The following HAX1 variants were observed in gnomAD, a reference collection of about 807,000 sequenced individuals.
HAX1 encodes the protein HCLS1-associated protein X-1.
HAX1 carries 27 observed loss-of-function variants against 31.1 expected under a neutral mutation model. The ratio of observed to expected loss-of-function variants is 0.87; its 90% CI spans 0.64 to 1.20. The LOEUF (loss-of-function observed/expected upper bound fraction) is 1.20, where lower values mean the gene tolerates loss of function less well. Ranked by LOEUF, HAX1 falls within the 50% of genes most tolerant of loss-of-function variation. HAX1 has a pLI of 0.00. For missense variants in HAX1, 357 were observed against 361.6 expected (o/e 0.99, Z 0.10); for synonymous variants, 114 against 124.1 (o/e 0.92, Z 0.54).
Position 154,275,390 on chromosome 1 carries a change from T to C in HAX1, c.664-3T>C. The C allele has an allele frequency of 6.2e-7, 1 of 1,613,492 alleles. No homozygotes were observed. The highest frequency in any genetic ancestry group is 8.5e-7 in the Non-Finnish European group (1 of 1,179,412). ...GGAATATGGTGGGGACTTCTCTTTG[T>C]AGATAGTGGAGGAGCGCCGGACTGT... On this transcript the variant is annotated splice_polypyrimidine_tract_variant and splice_region_variant and intron_variant, in intron 5 of 6. Transcript: ENST00000328703.
rs2149140073 is a variant in HAX1, at chr1:154,273,970, C to G, written c.504+9C>G. 1 of 1,609,692 alleles carries G rather than the reference C, an allele frequency of 6.2e-7. No individual in the cohort carries two copies. Among genetic ancestry groups the G allele is most frequent in the South Asian group, 1.1e-5 (1 of 91,000 alleles). ...AGAGGCCATTTCATAGGGTGAGTAT[C>G]CCATCTGGTCCTGAAGTGAGAGCTT... is the stretch of plus-strand genomic sequence containing the variant. On this transcript the variant is annotated intron_variant, in intron 3 of 6. Transcript: ENST00000328703.
intron 3 of HAX1, 34 bp downstream of exon 3, chr1:154,273,995 T>C (rs1250867354): frequency 2.5e-6 from 4 of 1,573,224 alleles, no homozygotes; most frequent in Non-Finnish European, 2.6e-6. Flanking sequence ...AGTGAGAGCT[T>C]GTGAGAGACC....
intron 1 of HAX1, 141 bp from the exon 2 acceptor site, chr1:154,273,195 G>T (rs539900044): frequency 1.2e-4 from 86 of 732,682 alleles, no homozygotes; most frequent in Middle Eastern, 3.5e-4. Flanking sequence ...TTGTATTAAT[G>T]TTTTGATGTG....
intron 3 of HAX1, 32 bp downstream of exon 3, chr1:154,273,993 C>G: frequency 6.4e-7 from 1 of 1,573,360 alleles, no homozygotes; most frequent in Non-Finnish European, 8.7e-7. Context: ...GAAGTGAGAG[C>G]TTGTGAGAGA....
chr1:154,273,372 TGAA>T lies in HAX1; in HGVS notation c.93_95del (p.Glu31del), dbSNP rs773579418. On this transcript the variant is annotated inframe_deletion, in exon 2 of 7. Coordinates refer to ENST00000328703, the MANE Select transcript of HAX1 (RefSeq NM_006118.4). ...CCTTTTTTGGAGGGATGACTCGAGA[TGAA>T]GATGATGATGAGGAAGAAGAAGAAG... The T allele has an allele frequency of 1.2e-6, 2 of 1,613,368 alleles. No homozygotes were observed. Among genetic ancestry groups the T allele is most frequent in the Non-Finnish European group, 8.5e-7 (1 of 1,179,876 alleles).
chr1:154,275,466 A>C lies in HAX1; in HGVS notation c.737A>C (p.Asp246Ala). ...ACTACAGTAACCCGACACGAAGCAG[A>C]TAGCAGTCCTAGGGGTGGTAAGTTA... ...TETTVTRHEADSSPRGDPESP... is the reference protein window; with the variant it reads ...TETTVTRHEAASSPRGDPESP... The change falls in exon 6 of 7, where the codon GAT becomes GCT. Residue 246 changes from aspartate to alanine, a missense_variant. Physicochemically the swap from Asp to Ala is moderately radical, Grantham distance 126 (BLOSUM62 -2). Transcript: ENST00000328703. 6.2e-7 allele frequency: 1 copy of C among 1,614,078 alleles called. No individual in the cohort carries two copies. Among genetic ancestry groups the C allele is most frequent in the Non-Finnish European group, 8.5e-7 (1 of 1,179,922 alleles).
In HAX1 at chr1:154,275,716, A is replaced by C; in HGVS notation, c.*15A>C. 1 of 1,577,738 alleles carries C rather than the reference A, an allele frequency of 6.3e-7. No individual in the cohort carries two copies. On this transcript the variant is annotated 3_prime_UTR_variant, in exon 7 of 7. Transcript: ENST00000328703. ...GGTCCCGGTAGCCTTGTTAACCCTC[A>C]GAGGCCTTCAAGTCCTTTCCACCTC...
Position 154,275,173 on chromosome 1 carries a change from C to G in HAX1, c.576C>G (p.Ser192=). The change falls in exon 5 of 7, where the codon TCC becomes TCG. Residue 192 remains serine, a synonymous_variant. Transcript: ENST00000328703. ...TTCCAGATCTTGATTCCCAGGTTTC[C>G]CAGGAGGGTCTTGGCCCGGTTCTAC... ...REDNDLDSQV[S]QEGLGPVLQP... The G allele has an allele frequency of 6.2e-7, 1 of 1,611,694 alleles. No homozygotes were observed. Among genetic ancestry groups the G allele is most frequent in the Admixed American group, 1.7e-5 (1 of 60,012 alleles).
rs375069081 is a variant in HAX1 at position 154,275,020 on chromosome 1, G to A, written c.556+19G>A. ...GACAATGGTAAGTCTGGAGGAAGGG[G>A]AAGTTTACCAGCCTTTTGTTATTCT... On this transcript the variant is annotated intron_variant, in intron 4 of 6. Transcript: ENST00000328703. 2 of 1,596,326 alleles carry A rather than the reference G, an allele frequency of 1.3e-6. No individual in the cohort carries two copies. The highest frequency in any genetic ancestry group is 8.6e-7 in the Non-Finnish European group (1 of 1,163,908).
In HAX1 at chr1:154,275,756, C is replaced by T. The variant is rs1180652792; in HGVS notation, c.*55C>T. ...CTTTCCACCTCTCACCCATTGCCCA[C>T]CATTAATAAGCTTAGCTTCTCTTGC... On this transcript the variant is annotated 3_prime_UTR_variant, in exon 7 of 7. Transcript: ENST00000328703. The T allele has an allele frequency of 1.7e-6, 2 of 1,172,650 alleles. No homozygotes were observed. The highest frequency in any genetic ancestry group is 2.6e-6 in the Non-Finnish European group (2 of 780,496). 72.6% of individuals were successfully genotyped at this position (1,172,650 alleles called of 1,614,324 possible). A position where few individuals can be genotyped will look rare whatever the true frequency, so the allele number is the denominator to read the frequency against.
At chr1:154,274,872 G>T (rs1277763741) in intron 3 of HAX1, 78 bp from the exon 4 acceptor site, 1 of 989,100 alleles carries the variant, frequency 1.0e-6, no homozygotes, top group South Asian at 1.3e-5. Context: ...TTTGGAGCTC[G>T]GGAGTAGTTT....
intron 1 of HAX1, chr1:154,273,026 C>T (rs947829427): frequency 1.6e-6 from 1 of 610,122 alleles, no homozygotes. Flanking sequence ...CCGTGAGGGT[C>T]TGGGGAATAA....
chr1:154,273,252 CTT>C, intron 1 of HAX1, 82 bp from the exon 2 acceptor site: 1 of 1,578,436 alleles, frequency 6.3e-7, no homozygotes, highest in Non-Finnish European at 8.6e-7. Context: ...ACCCCTTGCT[CTT>C]GTCCCACTTT....
intron 1 of HAX1, chr1:154,273,121 G>A: frequency 3.3e-6 from 2 of 609,500 alleles, no homozygotes; most frequent in East Asian, 2.8e-5. Flanking sequence ...GTGTATGAAG[G>A]GAGCTGCGAG....
At chr1:154,274,548 A>C (rs1290327475) in intron 3 of HAX1, among the ~76,000 whole-genome samples, 1 of 152,122 alleles carries the variant, frequency 6.6e-6, no homozygotes, top group Non-Finnish European at 1.5e-5. Context: ...TGCCTGGCCA[A>C]AGATTGCAAT....
chr1:154,275,364 C>T (rs759353770), intron 5 of HAX1, 29 bp from the exon 6 acceptor site: 23 of 1,599,936 alleles, frequency 1.4e-5, no homozygotes, highest in Non-Finnish European at 1.8e-5. Context: ...TAGTAACATT[C>T]GGAATATGGT....
chr1:154,274,689 AC>A (rs1247227472), intron 3 of HAX1, among the ~76,000 whole-genome samples: 2 of 152,102 alleles, frequency 1.3e-5, no homozygotes, highest in Non-Finnish European at 2.9e-5. Flanking sequence ...AAAAACAAAA[AC>A]AAAAAAACAC....
chr1:154,273,404 G>T lies in HAX1; in HGVS notation c.122G>T (p.Gly41Val), dbSNP rs369987963. ...EDDDEEEEEE[G>V]GSWGRGNPRF... is the part of the protein sequence containing the mutation. ...GATGATGAGGAAGAAGAAGAAGAAG[G>T]GGGCTCATGGGGCCGTGGGAACCCA... The change falls in exon 2 of 7, where the codon GGG becomes GTG. Residue 41 changes from glycine to valine, a missense_variant. Transcript: ENST00000328703. 13 of 1,613,762 alleles carry T rather than the reference G, an allele frequency of 8.1e-6. No individual in the cohort carries two copies. In the African/African-American group the frequency reaches 1.7e-4, roughly 22 times the overall value.
chr1:154,274,094 G>A, intron 3 of HAX1, 133 bp downstream of exon 3: 2 of 791,260 alleles, frequency 2.5e-6, no homozygotes, highest in East Asian at 2.6e-5. Context: ...GATCACCAGA[G>A]GTCAGGAGTT....
Sources: gnomAD v4.1 joint callset for allele counts (sites outside exome capture counted in the v4.1 genomes callset) on GRCh38, gnomAD v4.1.1 for gene constraint, MANE v1.5 for transcripts, NCBI Gene and HGNC (gene_info 2026-07-23, HGNC 2026-07-21) for gene names.